Variants in BORCS5 observed in about 807,000 individuals in gnomAD.
BORCS5 encodes BLOC-1-related complex subunit 5.
BORCS5 carries 17 observed loss-of-function variants against 22.1 expected under a neutral mutation model. The observed-to-expected ratio is 0.77, with a 90% CI of 0.53 to 1.15. The LOEUF (loss-of-function observed/expected upper bound fraction) is 1.15. Among genes scored for constraint, BORCS5 ranks in the 50% most tolerant of loss-of-function variants. The pLI is 0.00. For synonymous variants in BORCS5, 117 were observed against 99.8 expected, an observed-to-expected ratio of 1.17 and a Z score of -1.03; for missense variants, 247 against 253.2, an observed-to-expected ratio of 0.98 and a Z score of 0.17.
chr12:12,397,835 T>C (rs1279535529), intron 2 of BORCS5, among the ~76,000 whole-genome samples: 1 of 152,238 alleles, frequency 6.6e-6, no homozygotes, highest in African/African-American at 2.4e-5. Context: ...TCACTCCTTC[T>C]TCATCTTCCT....
rs16908044 is a variant in BORCS5 at position 12,428,622 on chromosome 12, A to G, written c.203-7006A>G. 6.4e-3 allele frequency among the ~76,000 whole-genome samples: 978 copies of G among 152,348 alleles called. 5 individuals are homozygous for G. The highest frequency in any genetic ancestry group is 0.016 in the African/African-American group (683 of 41,578). ...TGGCCCTGTTGCTTAACTGTAAGGA[A>G]CATGTAATTTAGAAACTTCTTCTCT... On this transcript the variant is annotated intron_variant, in intron 2 of 3. Coordinates refer to ENST00000314565, the MANE Select transcript of BORCS5 (RefSeq NM_058169.6).
At chr12:12,401,270 C>G (rs1274929628) in intron 2 of BORCS5, among the ~76,000 whole-genome samples, 1 of 152,108 alleles carries the variant, frequency 6.6e-6, no homozygotes, top group Non-Finnish European at 1.5e-5. Flanking sequence ...TATCGCCTTA[C>G]TAGCTATATA....
intron 2 of BORCS5, among the ~76,000 whole-genome samples, chr12:12,425,646 A>G (rs1942267290): frequency 6.6e-6 from 1 of 152,130 alleles, no homozygotes; most frequent in African/African-American, 2.4e-5. Flanking sequence ...TCCTTTGGAG[A>G]AATGCCTATT....
At chr12:12,458,374 TCCCAAATTTTGGATTTTTTCTTA>T (rs1943036884) in intron 3 of BORCS5, among the ~76,000 whole-genome samples, 1 of 152,174 alleles carries the variant, frequency 6.6e-6, no homozygotes, top group Non-Finnish European at 1.5e-5. Flanking sequence ...CCTGAAACAA[TCCCAAATTTTGGATTTTTTCTTA>T]ATGTTGAATT....
chr12:12,369,360 G>C (rs1863472346), intron 2 of BORCS5, among the ~76,000 whole-genome samples: 1 of 152,044 alleles, frequency 6.6e-6, no homozygotes, highest in Non-Finnish European at 1.5e-5. Context: ...GTAGGGTCTT[G>C]CTTTTGTATT....
In BORCS5 at chr12:12,361,300, C is replaced by T. The variant is rs368141493; in HGVS notation, c.153C>T (p.Pro51=). The change falls in exon 2 of 4, where the codon CCC becomes CCT. Residue 51 remains proline, a synonymous_variant. Transcript: ENST00000314565. ...SQASRNVSND[P]DVIKLQEIPT... Reference sequence around the variant, plus strand: ...CCTCACGGAACGTCAGCAACGATCCCGATGTCATCAAGTTGCAAGAGATTC... The same window carrying T: ...CCTCACGGAACGTCAGCAACGATCCTGATGTCATCAAGTTGCAAGAGATTC... 3.7e-6 allele frequency: 6 copies of T among 1,614,136 alleles called. No individual in the cohort carries two copies. The Admixed American group carries it at 8.3e-5, about 22-fold the overall frequency.
At chr12:12,417,405 C>T (rs867276074) in intron 2 of BORCS5, among the ~76,000 whole-genome samples, 4 of 152,022 alleles carry the variant, frequency 2.6e-5, no homozygotes, top group Non-Finnish European at 5.9e-5. Flanking sequence ...GAAAAATGTC[C>T]CATGTACACT....
In BORCS5 at chr12:12,357,548, T is replaced by C. The variant is rs1448454479; in HGVS notation, c.58+39T>C. On this transcript the variant is annotated intron_variant, in intron 1 of 3. Transcript: ENST00000314565. ...CCTCCCACCCTCCTCCAGCCCGCCC[T>C]GTCCCCTTGCAGAGCGGGCTGCCTC... is the stretch of plus-strand genomic sequence containing the variant. 3 of 1,585,764 alleles carry C rather than the reference T, an allele frequency of 1.9e-6. No individual in the cohort carries two copies. The South Asian group carries it at 3.3e-5, about 18-fold the overall frequency.
At chr12:12,417,550 G>C (rs972670395) in intron 2 of BORCS5, among the ~76,000 whole-genome samples, 1 of 151,852 alleles carries the variant, frequency 6.6e-6, no homozygotes, top group East Asian at 1.9e-4. Flanking sequence ...ATTGTGAGTG[G>C]GATATTGAGA....
intron 2 of BORCS5, among the ~76,000 whole-genome samples, chr12:12,421,013 C>T (rs889293234): frequency 1.3e-5 from 2 of 152,170 alleles, no homozygotes; most frequent in African/African-American, 4.8e-5. Flanking sequence ...AATTTGACTT[C>T]CTCATTTCCT....
At chr12:12,460,142 A>G (rs187209194) in intron 3 of BORCS5, among the ~76,000 whole-genome samples, 2 of 152,374 alleles carry the variant, frequency 1.3e-5, no homozygotes, top group East Asian at 3.9e-4. Flanking sequence ...CTGACAATCC[A>G]TGAACATGAT....
At chr12:12,460,129 A>C (rs949981892) in intron 3 of BORCS5, among the ~76,000 whole-genome samples, 5 of 152,236 alleles carry the variant, frequency 3.3e-5, no homozygotes, top group Non-Finnish European at 7.3e-5. Flanking sequence ...GACCGTGTTG[A>C]ATCTGACAAT....
chr12:12,431,085 T>C (rs1308154097), intron 2 of BORCS5, among the ~76,000 whole-genome samples: 1 of 152,218 alleles, frequency 6.6e-6, no homozygotes, highest in African/African-American at 2.4e-5. Flanking sequence ...TGTAAATTCC[T>C]AGTGGTGAAG....
At chr12:12,445,979 A>G (rs1187417891) in intron 3 of BORCS5, among the ~76,000 whole-genome samples, 1 of 151,982 alleles carries the variant, frequency 6.6e-6, no homozygotes, top group Non-Finnish European at 1.5e-5. Flanking sequence ...TTCTCACAGT[A>G]TGTGAATCTC....
At chr12:12,457,440 C>T (rs1302908255) in intron 3 of BORCS5, among the ~76,000 whole-genome samples, 2 of 152,184 alleles carry the variant, frequency 1.3e-5, no homozygotes, top group Admixed American at 1.3e-4. Flanking sequence ...GAGGCCGAGG[C>T]GGGCGGATCA....
intron 2 of BORCS5, 68 bp downstream of exon 2, chr12:12,361,417 C>T (rs961763457): frequency 1.3e-6 from 2 of 1,549,952 alleles, no homozygotes; most frequent in Non-Finnish European, 1.8e-6. Context: ...TACTTTCCCT[C>T]TACTTATCCA....
chr12:12,371,361 C>T (rs183417135), intron 2 of BORCS5, among the ~76,000 whole-genome samples: 1 of 152,116 alleles, frequency 6.6e-6, no homozygotes, highest in South Asian at 2.1e-4. Flanking sequence ...GGCACAATCA[C>T]GGCTCACTGC....
At chr12:12,424,738 G>A (rs1942234915) in intron 2 of BORCS5, among the ~76,000 whole-genome samples, 1 of 152,024 alleles carries the variant, frequency 6.6e-6, no homozygotes, top group South Asian at 2.1e-4. Context: ...GGATGTGTCT[G>A]TGCCAAGAAT....
chr12:12,415,141 C>T (rs1299655086), intron 2 of BORCS5, among the ~76,000 whole-genome samples: 18 of 151,742 alleles, frequency 1.2e-4, no homozygotes, highest in Admixed American at 2.0e-4. Flanking sequence ...ACTTCCCAGA[C>T]GGGGTGGCGG....
Sources: gnomAD v4.1 joint callset for allele counts (sites outside exome capture counted in the v4.1 genomes callset) on GRCh38, gnomAD v4.1.1 for gene constraint, MANE v1.5 for transcripts, NCBI Gene and HGNC (gene_info 2026-07-23, HGNC 2026-07-21) for gene names.